The following NSL1 variants were observed in gnomAD, a reference collection of about 807,000 sequenced individuals.
The protein encoded by NSL1 is kinetochore-associated protein NSL1 homolog.
NSL1 carries 11 observed loss-of-function variants against 25.4 expected under a neutral mutation model. That is an observed-to-expected ratio of 0.43 (90% CI 0.27 to 0.72). NSL1 has a LOEUF of 0.72. NSL1 is among the 30% of genes least tolerant of loss of function. The probability of loss-of-function intolerance (pLI) is 0.19; values close to 1 mark genes in which losing one functional copy is unlikely to be tolerated. For synonymous variants in NSL1, 118 were observed against 120.6 expected (o/e 0.98, Z 0.14); for missense variants, 330 against 342.7 (o/e 0.96, Z 0.29).
chr1:212,770,877 A>G (rs970342629), intron 4 of NSL1, among the ~76,000 whole-genome samples: 33 of 152,218 alleles, frequency 2.2e-4, no homozygotes, highest in African/African-American at 6.8e-4. Flanking sequence ...GATTTATCTC[A>G]GAGATATGAG....
rs1024547943 is a variant in NSL1 at position 212,760,454 on chromosome 1, G to C, written c.500-20853C>G. Among the ~76,000 whole-genome samples the C allele has an allele frequency of 2.6e-5, 4 of 152,038 alleles. No individual in the cohort carries two copies. Among genetic ancestry groups the C allele is most frequent in the African/African-American group, 9.7e-5 (4 of 41,388 alleles). On this transcript the variant is annotated intron_variant, in intron 4 of 5. Coordinates refer to ENST00000366977, the MANE Select transcript of NSL1 (RefSeq NM_015471.4). This position sits in a 1 kb window ranked among gnomAD's most constrained non-coding sequence, Gnocchi z 4.3. ...CATACTGCGGGTGCCTGAGCATACC[G>C]TTTGAGGTCCTGAGGTTCACCCCAC...
intron 4 of NSL1, among the ~76,000 whole-genome samples, chr1:212,762,320 A>AAAG (rs1343058441): frequency 5.3e-5 from 8 of 150,490 alleles, no homozygotes; most frequent in African/African-American, 1.9e-4. Flanking sequence ...AAAAAAAAAA[A>AAAG]AAAAAAGAAA....
chr1:212,784,296 G>A (rs904919476), intron 3 of NSL1, 67 bp downstream of exon 3: 2 of 1,098,252 alleles, frequency 1.8e-6, no homozygotes, highest in Non-Finnish European at 2.6e-6. Flanking sequence ...TCCACGTAGA[G>A]CCTTATATTT....
intron 4 of NSL1, among the ~76,000 whole-genome samples, chr1:212,764,843 C>CAAAAAAAAAAAAAAAAAAAAAAAAAA (rs3086471): frequency 5.4e-4 from 21 of 38,884 alleles, no homozygotes; most frequent in East Asian, 1.0e-3. Flanking sequence ...AAGACTGTCT[C>CAAAAAAAAAAAAAAAAAAAAAAAAAA]AAAAAAAAAA....
chr1:212,783,386 G>A (rs1248913117), intron 3 of NSL1, among the ~76,000 whole-genome samples: 2 of 152,024 alleles, frequency 1.3e-5, no homozygotes, highest in African/African-American at 4.8e-5. Flanking sequence ...TGGGAGGGGT[G>A]GGGGAAGTGA....
intron 4 of NSL1, among the ~76,000 whole-genome samples, chr1:212,745,160 CTATATATATATATATATATAT>C (rs1384025621): frequency 3.4e-5 from 4 of 117,688 alleles, no homozygotes; most frequent in East Asian, 2.6e-4. Context: ...AACAAACAAA[CTATATATATATATATATATAT>C]ATATATATAT....
At chr1:212,742,021 C>T (rs1340701344) in intron 4 of NSL1, among the ~76,000 whole-genome samples, 1 of 152,126 alleles carries the variant, frequency 6.6e-6, no homozygotes, top group Non-Finnish European at 1.5e-5. Context: ...GAATAAATTT[C>T]TCAACCCTAT....
At chr1:212,744,909 C>T (rs911914085) in intron 4 of NSL1, among the ~76,000 whole-genome samples, 22 of 152,042 alleles carry the variant, frequency 1.4e-4, no homozygotes, top group Non-Finnish European at 3.1e-4. Context: ...AAGGCCAAGG[C>T]GGCCGGATCA....
chr1:212,750,591 T>A (rs549117857), intron 4 of NSL1, among the ~76,000 whole-genome samples: 32 of 152,252 alleles, frequency 2.1e-4, no homozygotes, highest in African/African-American at 7.7e-4. Flanking sequence ...CCTTAAGTGT[T>A]TGCCATATTG....
intron 4 of NSL1, among the ~76,000 whole-genome samples, chr1:212,777,421 C>CT (rs1660423784): frequency 2.6e-5 from 4 of 151,532 alleles, no homozygotes; most frequent in Admixed American, 2.6e-4. Context: ...AAGGAACAAT[C>CT]TAAGTTAGTC....
intron 2 of NSL1, among the ~76,000 whole-genome samples, chr1:212,786,131 GAT>G (rs72069905): frequency 0.29 from 44,205 of 149,958 alleles, 8,148 homozygotes; most frequent in Non-Finnish European, 0.39. Flanking sequence ...TAGATAGATA[GAT>G]AGAGAGAGAG....
chr1:212,769,747 A>G (rs1173504689), intron 4 of NSL1, among the ~76,000 whole-genome samples: 1 of 152,196 alleles, frequency 6.6e-6, no homozygotes, highest in African/African-American at 2.4e-5. Flanking sequence ...CCACTACAGA[A>G]AACCACTAAA....
intron 2 of NSL1, among the ~76,000 whole-genome samples, chr1:212,787,008 A>G (rs1465969220): frequency 1.3e-5 from 2 of 151,822 alleles, no homozygotes; most frequent in Non-Finnish European, 2.9e-5. Context: ...TACCAAAAAT[A>G]CAAGTTAGCC....
At chr1:212,789,869 A>G (rs776216585) in intron 1 of NSL1, among the ~76,000 whole-genome samples, 8 of 152,216 alleles carry the variant, frequency 5.3e-5, no homozygotes, top group Non-Finnish European at 1.0e-4. Context: ...TTATACAACA[A>G]AAGTCTTCTC....
At chr1:212,782,005 C>T in intron 4 of NSL1, 1 of 524,020 alleles carries the variant, frequency 1.9e-6, no homozygotes, top group Non-Finnish European at 3.7e-6. Flanking sequence ...GTTACTGCAC[C>T]AGGTGTGACA....
chr1:212,759,145 T>G (rs1659444375), intron 4 of NSL1, among the ~76,000 whole-genome samples: 1 of 152,118 alleles, frequency 6.6e-6, no homozygotes, highest in Admixed American at 6.6e-5. Context: ...GACAACAGTT[T>G]CTAAAATATA....
chr1:212,791,550 C>T lies in NSL1; in HGVS notation c.214G>A (p.Ala72Thr), dbSNP rs150662008. 3.0e-5 allele frequency: 49 copies of T among 1,613,620 alleles called. No homozygotes were observed. The African/African-American group carries it at 6.1e-4, about 20-fold the overall frequency. Residue 72 changes from alanine to threonine, a missense_variant, in exon 1 of 6, where the codon GCT becomes ACT. Ala to Thr is a moderately conservative substitution (Grantham distance 58). Transcript: ENST00000366977. ...CGTACCCACTGCGCATCTCGCAGAG[C>T]GGGCTCCCGAATCTCCTCCGGCAGA... ...DALPEEIREP[A>T]LRDAQWTFES...
intron 4 of NSL1, among the ~76,000 whole-genome samples, chr1:212,769,495 CA>C (rs1321088099): frequency 6.6e-6 from 1 of 152,022 alleles, no homozygotes; most frequent in African/African-American, 2.4e-5. Context: ...ACCTGTCAGC[CA>C]AGAATATTAT....
chr1:212,727,828 AT>A lies in NSL1; in HGVS notation c.*10579del. Reference sequence around the variant, plus strand: ...TTAGACACTAGTATTACATAGTAATATTCACTATTCGTTAACTGCTGGGAAA... The same window carrying A: ...TTAGACACTAGTATTACATAGTAATATCACTATTCGTTAACTGCTGGGAAA... On this transcript the variant is annotated 3_prime_UTR_variant, in exon 6 of 6. Coordinates refer to ENST00000366977, the MANE Select transcript of NSL1 (RefSeq NM_015471.4). 1 of 981,964 alleles carries A rather than the reference AT, an allele frequency of 1.0e-6. No homozygotes were observed. Among genetic ancestry groups the A allele is most frequent in the East Asian group, 1.1e-4 (1 of 8,802 alleles). The allele number at this position is 981,964 out of a possible 1,614,324, so 60.8% of individuals were successfully genotyped here. A position where few individuals can be genotyped will look rare whatever the true frequency, so the allele number is the denominator to read the frequency against.
Sources: gnomAD v4.1 joint callset for allele counts (sites outside exome capture counted in the v4.1 genomes callset) on GRCh38, gnomAD v4.1.1 for gene constraint, Gnocchi (gnomAD v3.1) non-coding constraint, MANE v1.5 for transcripts, NCBI Gene and HGNC (gene_info 2026-07-23, HGNC 2026-07-21) for gene names.